The following PKP2 variants were observed in gnomAD, a reference collection of about 807,000 sequenced individuals.
PKP2 encodes the protein plakophilin 2, also known as plakophilin-2.
PKP2 carries 73 observed loss-of-function variants against 83.4 expected under a neutral mutation model. The ratio of observed to expected loss-of-function variants is 0.88; its 90% confidence interval spans 0.72 to 1.06. The LOEUF is 1.06. PKP2 is among the 50% of genes least tolerant of loss of function. The probability of loss-of-function intolerance (pLI) is 0.00; values close to 1 mark genes in which losing one functional copy is unlikely to be tolerated. For missense variants in PKP2, 966 were observed against 1,065.4 expected (o/e 0.91, Z 1.30); for synonymous variants, 409 against 430.4 (o/e 0.95, Z 0.62).
chr12:32,822,359 T>C, intron 8 of PKP2, 108 bp downstream of exon 8: 2 of 940,802 alleles, frequency 2.1e-6, no homozygotes, highest in South Asian at 2.7e-5. Context: ...TAAAATAACT[T>C]AAAATAGTGC....
intron 6 of PKP2, among the ~76,000 whole-genome samples, chr12:32,838,503 C>G (rs1261408604): frequency 2.0e-5 from 3 of 151,992 alleles, no homozygotes; most frequent in Non-Finnish European, 4.4e-5. Context: ...AAATTAACTC[C>G]TTAATGTGAT....
intron 9 of PKP2, among the ~76,000 whole-genome samples, chr12:32,809,583 A>C (rs993848632): frequency 2.4e-4 from 37 of 152,254 alleles, no homozygotes; most frequent in Admixed American, 2.0e-3. Flanking sequence ...TTCCTAGGGG[A>C]AGGTACAAAG....
In PKP2 at chr12:32,841,147, T is replaced by C; in HGVS notation, c.1437A>G (p.Ala479=). 2 of 1,613,562 alleles carry C rather than the reference T, an allele frequency of 1.2e-6. No individual in the cohort carries two copies. Among genetic ancestry groups the C allele is most frequent in the East Asian group, 2.2e-5 (1 of 44,882 alleles). ...TGATATTCTCCGTCAGCGTAAGCAA[T>C]GCTTCTGTTATCATGAGATTCTTGA... ...DKLKNLMITE[A]LLTLTENIII... Residue 479 remains alanine (A), a synonymous_variant, in exon 6 of 13, where the codon GCA becomes GCG. Coordinates refer to ENST00000340811, the MANE Select transcript of PKP2 (RefSeq NM_001005242.3).
At chr12:32,841,271 C>T (rs2059102619) in intron 5 of PKP2, 66 bp from the exon 6 acceptor site, 2 of 1,334,934 alleles carry the variant, frequency 1.5e-6, no homozygotes, top group Non-Finnish European at 2.1e-6. Context: ...CTGAAAAGTT[C>T]AGTCAAGGCC....
intron 6 of PKP2, among the ~76,000 whole-genome samples, chr12:32,832,945 T>C (rs1168737737): frequency 1.3e-5 from 2 of 152,156 alleles, no homozygotes; most frequent in Non-Finnish European, 1.5e-5. Flanking sequence ...CAAAGGTAAC[T>C]AGAATGAAAA....
At chr12:32,879,128 A>G in intron 1 of PKP2, 96 bp from the exon 2 acceptor site, 1 of 749,494 alleles carries the variant, frequency 1.3e-6, no homozygotes, top group South Asian at 1.4e-5. Flanking sequence ...TTTTAAATTT[A>G]AGTAATGAAG....
At chr12:32,848,629 TTAAAGA>T (rs2137855174) in intron 5 of PKP2, among the ~76,000 whole-genome samples, 1 of 152,138 alleles carries the variant, frequency 6.6e-6, no homozygotes, top group East Asian at 1.9e-4. Flanking sequence ...ATACATGGAC[TTAAAGA>T]TGAATAAAAG....
intron 1 of PKP2, among the ~76,000 whole-genome samples, chr12:32,886,072 A>G (rs1957027438): frequency 1.3e-5 from 2 of 152,250 alleles, no homozygotes. Flanking sequence ...ATGTAACCAC[A>G]GAAATCAGCA....
chr12:32,862,599 C>A (rs189296432), intron 4 of PKP2, among the ~76,000 whole-genome samples: 1 of 151,088 alleles, frequency 6.6e-6, no homozygotes, highest in African/African-American at 2.4e-5. Flanking sequence ...GAGCCAAGAT[C>A]GTGCCATTGC....
At chr12:32,830,854 C>T (rs571379650) in intron 6 of PKP2, among the ~76,000 whole-genome samples, 8 of 151,644 alleles carry the variant, frequency 5.3e-5, no homozygotes, top group African/African-American at 1.5e-4. Flanking sequence ...TGCAGTGAGC[C>T]GAGATAGTGC....
At chr12:32,824,024 G>T (rs779927305) in intron 7 of PKP2, 21 bp downstream of exon 7, 10 of 1,361,258 alleles carry the variant, frequency 7.3e-6, no homozygotes, top group Non-Finnish European at 9.5e-6. Context: ...GACAAAACAG[G>T]ATATTTATCT....
chr12:32,824,198 A>C (rs561183421), intron 6 of PKP2, 36 bp from the exon 7 acceptor site: 39 of 1,363,066 alleles, frequency 2.9e-5, no homozygotes, highest in Non-Finnish European at 4.0e-5. Context: ...AAGTAAGTCT[A>C]GGCTGTGTAT....
Position 32,819,303 on chromosome 12 carries a change from CAATACAATACAATAA to C in PKP2, c.2013+2038_2013+2052del, listed in dbSNP as rs1205104764. ...AAAATAAATACAATACAATACAATACAATACAATACAATAAAATAAAATAAAATAAAATAAAATAA... is the reference window on the plus strand; with the variant it reads ...AAAATAAATACAATACAATACAATACAATAAAATAAAATAAAATAAAATAA... On this transcript the variant is annotated intron_variant, in intron 9 of 12. Transcript: ENST00000340811. Among the ~76,000 whole-genome samples, 6 of 33,518 alleles carry C rather than the reference CAATACAATACAATAA, an allele frequency of 1.8e-4. No homozygotes were observed. The East Asian group carries it at 2.6e-3, about 15-fold the overall frequency. The allele number at this position is 33,518 out of a possible 152,430, so 22.0% of individuals were successfully genotyped here. A position where few individuals can be genotyped will look rare whatever the true frequency, so the allele number is the denominator to read the frequency against.
At chr12:32,809,039 C>G (rs1253670479) in intron 9 of PKP2, among the ~76,000 whole-genome samples, 1 of 152,210 alleles carries the variant, frequency 6.6e-6, no homozygotes, top group Non-Finnish European at 1.5e-5. Context: ...AGCAGTCTGG[C>G]TGTAGAGCAG....
chr12:32,822,145 C>T (rs1956385782), intron 8 of PKP2, among the ~76,000 whole-genome samples: 1 of 152,154 alleles, frequency 6.6e-6, no homozygotes, highest in South Asian at 2.1e-4. Context: ...CTGCATTAAG[C>T]TTATTTCCTA....
At position 32,817,525 on chromosome 12, in the gene PKP2, C is replaced by A. The variant is rs192009998; in HGVS notation, c.2013+3831G>T. Among the ~76,000 whole-genome samples, 26 of 152,274 alleles carry A rather than the reference C, an allele frequency of 1.7e-4. No homozygotes were observed. In the East Asian group the frequency reaches 4.4e-3, roughly 26 times the overall value. ...TGGATACCCACGTTTGTTACTTATA[C>A]ATGTTGCAAAAATCTTTTCCCATTC... is the stretch of plus-strand genomic sequence containing the variant. On this transcript the variant is annotated intron_variant, in intron 9 of 12. Transcript: ENST00000340811.
intron 5 of PKP2, among the ~76,000 whole-genome samples, chr12:32,841,491 T>C (rs1224633255): frequency 1.3e-5 from 2 of 152,196 alleles, no homozygotes; most frequent in Admixed American, 1.3e-4. Context: ...AAGCATTTAT[T>C]GCTGTTTCTC....
At chr12:32,872,592 G>A (rs1405199276) in intron 3 of PKP2, among the ~76,000 whole-genome samples, 1 of 152,110 alleles carries the variant, frequency 6.6e-6, no homozygotes. Context: ...TCTCCCCGTA[G>A]CCAGCATTCC....
At position 32,792,450 on chromosome 12, in the gene PKP2, T is replaced by A. The variant is rs760426951; in HGVS notation, c.2488A>T (p.Lys830Ter). 4 of 1,613,940 alleles carry A rather than the reference T, an allele frequency of 2.5e-6. No homozygotes were observed. In the South Asian group the frequency reaches 4.4e-5, roughly 18 times the overall value. The stretch of plus-strand genomic sequence containing the variant: ...CAGTCTTTAAGGGAGTGGTAGGCTT[T>A]GGCAGTCCGGCTGTTGACAAAATCT... ...KTDFVNSRTA[K>*]AYHSLKD The change falls in exon 13 of 13, where the codon AAA becomes TAA. Residue 830 changes from lysine to a stop codon, truncating the protein, a stop_gained. Coordinates refer to ENST00000340811, the MANE Select transcript of PKP2 (RefSeq NM_001005242.3). LOFTEE classifies it high-confidence loss of function.
Sources: allele counts gnomAD v4.1 joint callset (sites outside exome capture counted in the v4.1 genomes callset), GRCh38; gene constraint gnomAD v4.1.1; transcripts MANE v1.5; gene names NCBI Gene and HGNC (gene_info 2026-07-23, HGNC 2026-07-21).